AQR: variants seen among roughly 807,000 people sequenced by gnomAD.
AQR encodes RNA helicase aquarius.
In AQR, 61 loss-of-function variants were observed where a neutral mutation model predicts 180.5. That is an observed-to-expected ratio of 0.34 (90% CI 0.28 to 0.42). The LOEUF is 0.42. Among genes scored for constraint, AQR ranks in the 10% least tolerant of loss-of-function variants. The pLI, the probability that AQR is intolerant of heterozygous loss-of-function variation, is 1.00. For missense variants in AQR, 1,281 were observed against 1,798.3 expected (o/e 0.71, Z 5.20); for synonymous variants, 551 against 588.8 (o/e 0.94, Z 0.93).
At chr15:34,888,014 C>A (rs1377259873) in intron 24 of AQR, among the ~76,000 whole-genome samples, 1 of 152,108 alleles carries the variant, frequency 6.6e-6, no homozygotes, top group African/African-American at 2.4e-5. Flanking sequence ...TAAAAAGCAA[C>A]AGGCCGGGCA....
intron 3 of AQR, among the ~76,000 whole-genome samples, chr15:34,958,508 C>T: frequency 6.6e-6 from 1 of 152,078 alleles, no homozygotes; most frequent in East Asian, 1.9e-4. Context: ...AGAGAGCAAC[C>T]CTGTCACACA....
rs994244057 is a variant in AQR at position 34,853,026 on chromosome 15, C to T, written c.*3766G>A. 6.6e-6 allele frequency: 1 copy of T among 152,046 alleles called. No individual in the cohort carries two copies. The highest frequency in any genetic ancestry group is 1.5e-5 in the Non-Finnish European group (1 of 68,020). 9.4% of individuals were successfully genotyped at this position (152,046 alleles called of 1,614,324 possible). ...CTTCTGGATTCCATTTAATTAAAAC[C>T]CTTTTAAATTAAATCCTTGTAACTG... On this transcript the variant is annotated 3_prime_UTR_variant, in exon 35 of 35. Coordinates refer to ENST00000156471, the MANE Select transcript of AQR (RefSeq NM_014691.3).
Position 34,952,626 on chromosome 15 carries a change from C to G in AQR, c.209+259G>C, listed in dbSNP as rs117155527. ...TATTTCCACTGATCACTACAGAAAC[C>G]AAGTTTGAGTTCAGAAATTATTCAC... On this transcript the variant is annotated intron_variant, in intron 4 of 34. Transcript: ENST00000156471. 4.6e-4 allele frequency among the ~76,000 whole-genome samples: 70 copies of G among 152,262 alleles called. 1 individual carries two copies. In the East Asian group the frequency reaches 0.013, roughly 29 times the overall value.
rs1487259965 is a variant in AQR at position 34,927,279 on chromosome 15, TAATC to T, written c.1015-145_1015-142del. 3 of 401,774 alleles carry T rather than the reference TAATC, an allele frequency of 7.5e-6. No individual in the cohort carries two copies. The East Asian group carries it at 1.2e-4, about 16-fold the overall frequency. The allele number at this position is 401,774 out of a possible 1,614,324, so 24.9% of individuals were successfully genotyped here. On this transcript the variant is annotated intron_variant, in intron 12 of 34. Transcript: ENST00000156471. Reference sequence around the variant, plus strand: ...TGCTTCTTTTATGTGACCTCTACCTTAATCAGACAGAAGCATATAATAAAAAGAG... The same window carrying T: ...TGCTTCTTTTATGTGACCTCTACCTTAGACAGAAGCATATAATAAAAAGAG...
chr15:34,859,380 T>A (rs1030812930), intron 34 of AQR, among the ~76,000 whole-genome samples: 1 of 152,138 alleles, frequency 6.6e-6, no homozygotes, highest in East Asian at 1.9e-4. Flanking sequence ...GCCAAAATTT[T>A]AAAAAGACGT....
At chr15:34,911,710 T>G (rs1349013137) in intron 16 of AQR, among the ~76,000 whole-genome samples, 1 of 152,230 alleles carries the variant, frequency 6.6e-6, no homozygotes, top group Non-Finnish European at 1.5e-5. Flanking sequence ...GACACATGGT[T>G]TGCAAATATT....
At position 34,900,710 on chromosome 15, in the gene AQR, G is replaced by A. The variant is rs771802210; in HGVS notation, c.2155C>T (p.Leu719Phe). 6.2e-7 allele frequency: 1 copy of A among 1,614,186 alleles called. No homozygotes were observed. Among genetic ancestry groups the A allele is most frequent in the Admixed American group, 1.7e-5 (1 of 60,022 alleles). The change falls in exon 20 of 35, where the codon CTC (leucine) becomes TTC (phenylalanine). Residue 719 changes from leucine to phenylalanine, a missense_variant. By Grantham distance (22) the Leu-to-Phe change is conservative. Coordinates refer to ENST00000156471, the MANE Select transcript of AQR (RefSeq NM_014691.3). ...IATLDFNDTF[L>F]SIEHLKASFP... ...CTGGCTTTTAAATGCTCAATGGAGA[G>A]AAATGTATCATTGAAATCAAGGGTG...
chr15:34,930,493 T>A, intron 11 of AQR, 122 bp from the exon 12 acceptor site: 1 of 564,056 alleles, frequency 1.8e-6, no homozygotes, highest in Non-Finnish European at 3.1e-6. Flanking sequence ...CTCAGGAATG[T>A]AAACATTACA....
At chr15:34,897,507 GAAA>G in intron 21 of AQR, 49 bp downstream of exon 21, 1 of 1,595,782 alleles carries the variant, frequency 6.3e-7, no homozygotes, top group Non-Finnish European at 8.6e-7. Context: ...TAATCCAGTT[GAAA>G]TGGCAAACTA....
At chr15:34,959,322 C>A (rs1894381220) in intron 3 of AQR, among the ~76,000 whole-genome samples, 1 of 152,226 alleles carries the variant, frequency 6.6e-6, no homozygotes, top group South Asian at 2.1e-4. Flanking sequence ...GCCACCATGT[C>A]CAGCTAATTT....
chr15:34,950,932 T>C (rs1894221448), intron 4 of AQR, among the ~76,000 whole-genome samples: 1 of 152,210 alleles, frequency 6.6e-6, no homozygotes, highest in Admixed American at 6.5e-5. Context: ...TCTTGGGTGT[T>C]ATCTGACTAC....
At chr15:34,888,019 C>T (rs898975625) in intron 24 of AQR, among the ~76,000 whole-genome samples, 8 of 152,032 alleles carry the variant, frequency 5.3e-5, no homozygotes, top group African/African-American at 1.2e-4. Context: ...AGCAACAGGC[C>T]GGGCACGGTG....
At chr15:34,871,956 T>TAAA (rs11321995) in intron 30 of AQR, among the ~76,000 whole-genome samples, 6 of 136,488 alleles carry the variant, frequency 4.4e-5, no homozygotes, top group African/African-American at 1.1e-4. Context: ...ACACAATATT[T>TAAA]AAAAAAAAAA....
chr15:34,923,465 A>AT (rs144397458), intron 13 of AQR, among the ~76,000 whole-genome samples: 1,567 of 151,152 alleles, frequency 0.01, 30 homozygotes, highest in African/African-American at 0.036. Flanking sequence ...CCAATTCATC[A>AT]TTTTTTTTTC....
chr15:34,867,637 G>A (rs780082507), intron 31 of AQR, 28 bp from the exon 32 acceptor site: 3 of 1,560,250 alleles, frequency 1.9e-6, no homozygotes, highest in Non-Finnish European at 1.8e-6. Context: ...AAAATATGGT[G>A]CATTTGCAAA....
intron 27 of AQR, among the ~76,000 whole-genome samples, chr15:34,881,376 A>G (rs1442823845): frequency 6.6e-6 from 1 of 152,232 alleles, no homozygotes; most frequent in African/African-American, 2.4e-5. Flanking sequence ...GTGAGCTCAC[A>G]ACATTTTAAA....
Position 34,856,836 on chromosome 15 carries a change from T to G in AQR, c.4414A>C (p.Asn1472His). 1 of 1,598,408 alleles carries G rather than the reference T, an allele frequency of 6.3e-7. No homozygotes were observed. The highest frequency in any genetic ancestry group is 1.1e-5 in the South Asian group (1 of 87,818). The change falls in exon 35 of 35, where the codon AAC becomes CAC. Residue 1472 changes from asparagine (N) to histidine (H), a missense_variant. Transcript: ENST00000156471. ...GCAGATGTGGCATCCTGAGGTGTGT[T>G]AGCTTCTGCCGGTGCAGATACAGCT... ...VGAVSAPAEA[N>H]TPQDATSAPE...
At chr15:34,960,232 C>A (rs190400134) in intron 3 of AQR, among the ~76,000 whole-genome samples, 7 of 152,170 alleles carry the variant, frequency 4.6e-5, no homozygotes, top group Admixed American at 4.6e-4. Context: ...AGTACAAACC[C>A]TTTTGTGTTT....
At chr15:34,902,059 T>C (rs1306759730) in intron 19 of AQR, among the ~76,000 whole-genome samples, 1 of 152,170 alleles carries the variant, frequency 6.6e-6, no homozygotes, top group African/African-American at 2.4e-5. Flanking sequence ...ATCAGAGAGA[T>C]GGATGCAGGG....
Sources: allele counts gnomAD v4.1 joint callset (sites outside exome capture counted in the v4.1 genomes callset), GRCh38; gene constraint gnomAD v4.1.1; transcripts MANE v1.5; gene names NCBI Gene and HGNC (gene_info 2026-07-23, HGNC 2026-07-21).